Variants in KLK9 observed in about 807,000 individuals in gnomAD.
KLK9 encodes the protein kallikrein-9.
KLK9 carries 26 observed loss-of-function variants against 23.3 expected under a neutral mutation model. The observed-to-expected ratio is 1.12, with a 90% confidence interval of 0.82 to 1.55. KLK9 has a LOEUF of 1.55. Ranked by LOEUF, KLK9 falls within the 40% of genes most tolerant of loss-of-function variation. The probability of loss-of-function intolerance (pLI) is 0.00; values close to 1 mark genes in which losing one functional copy is unlikely to be tolerated. For missense variants in KLK9, 346 were observed against 333.7 expected, an observed-to-expected ratio of 1.04 and a Z score of -0.29; for synonymous variants, 122 against 128.5, an observed-to-expected ratio of 0.95 and a Z score of 0.34.
Position 51,009,445 on chromosome 19 carries a change from A to T in KLK9, c.43+60T>A. ...GCAGGAGGCAGAAGCCTGGGATGGG[A>T]GGGAAGAGCAAGGTGACCTTAGTAC... On this transcript the variant is annotated intron_variant, in intron 1 of 4. Transcript: ENST00000594211. This position sits in a 1 kb window ranked among gnomAD's most constrained non-coding sequence, Gnocchi z 4.8. 2 of 1,566,426 alleles carry T rather than the reference A, an allele frequency of 1.3e-6. No individual in the cohort carries two copies. Among genetic ancestry groups the T allele is most frequent in the Non-Finnish European group, 1.7e-6 (2 of 1,155,442 alleles).
chr19:51,006,125 A>AAAAAAAACAAAC lies in KLK9; in HGVS notation c.466+332_466+333insGTTTGTTTTTTT, dbSNP rs113832971. The stretch of plus-strand genomic sequence containing the variant: ...AGCAACAAAGCGAGACCCTGTCTCA[A>AAAAAAAACAAAC]AAACAAACAAACAAACAAACAAACA... On this transcript the variant is annotated intron_variant, in intron 3 of 4. Coordinates refer to ENST00000594211, the MANE Select transcript of KLK9 (RefSeq NM_012315.2). This position sits in a 1 kb window ranked among gnomAD's most constrained non-coding sequence, Gnocchi z 4.1. Among the ~76,000 whole-genome samples the AAAAAAAACAAAC allele has an allele frequency of 2.0e-5, 3 of 150,274 alleles. No homozygotes were observed. The highest frequency in any genetic ancestry group is 7.4e-5 in the African/African-American group (3 of 40,812).
In KLK9 at chr19:51,006,321, G is replaced by A; in HGVS notation, c.466+137C>T. The A allele has an allele frequency of 1.2e-6, 1 of 837,380 alleles. No homozygotes were observed. Among genetic ancestry groups the A allele is most frequent in the East Asian group, 2.8e-5 (1 of 36,296 alleles). The allele number at this position is 837,380 out of a possible 1,614,324, so 51.9% of individuals were successfully genotyped here. ...TTAAAAATGCTAGCATCTTATATTT[G>A]GTTAAATATATCGATTGGCAGATAG... is the stretch of plus-strand genomic sequence containing the variant. On this transcript the variant is annotated intron_variant, in intron 3 of 4. Coordinates refer to ENST00000594211, the MANE Select transcript of KLK9 (RefSeq NM_012315.2). This position sits in a 1 kb window ranked among gnomAD's most constrained non-coding sequence, Gnocchi z 4.1.
chr19:51,005,749 C>T (rs1009112859), intron 3 of KLK9, among the ~76,000 whole-genome samples: 3 of 151,544 alleles, frequency 2.0e-5, no homozygotes, highest in Non-Finnish European at 2.9e-5. Context: ...CTAACATTAT[C>T]TGAATTAAAT....
chr19:51,004,338 CAAAAAAAAAAAAAAAAAAAAAAA>C (rs71333922), intron 3 of KLK9, among the ~76,000 whole-genome samples: 11 of 32,558 alleles, frequency 3.4e-4, no homozygotes, highest in African/African-American at 6.3e-4. Context: ...GACTCCGTCT[CAAAAAAAAAAAAAAAAAAAAAAA>C]AAAAAAAAAA....
At chr19:51,008,393 T>C (rs1473377628) in intron 2 of KLK9, among the ~76,000 whole-genome samples, 1 of 148,942 alleles carries the variant, frequency 6.7e-6, no homozygotes, top group East Asian at 2.0e-4. Context: ...TCTATAAATC[T>C]ATAACCTTAG....
chr19:51,007,006 C>T (rs1045871110), intron 2 of KLK9, among the ~76,000 whole-genome samples: 18 of 151,930 alleles, frequency 1.2e-4, no homozygotes, highest in Admixed American at 9.9e-4. Context: ...AGCCACCTTC[C>T]TCCCTACTCA....
chr19:51,006,633 AG>A lies in KLK9; in HGVS notation c.290del (p.Pro97LeufsTer18), dbSNP rs1355851020. On this transcript the variant is annotated frameshift_variant, in exon 3 of 5. Coordinates refer to ENST00000594211, the MANE Select transcript of KLK9 (RefSeq NM_012315.2). LOFTEE classifies it high-confidence loss of function. The surrounding 1 kb of genome is among the most constrained non-coding windows in gnomAD (Gnocchi z 4.1). ...TGGCGCTGAGGTCCTTGTTGAAGCCAGGGTGGGGGAAGAAGTCCGTAACCCG... is the reference window on the plus strand; with the variant it reads ...TGGCGCTGAGGTCCTTGTTGAAGCCAGGTGGGGGAAGAAGTCCGTAACCCG... The part of the protein sequence containing the change: ...LFRVTDFFPH[P>X]GFNKDLSAND... 12 of 1,613,150 alleles carry A rather than the reference AG, an allele frequency of 7.4e-6. No homozygotes were observed. In the Admixed American group the frequency reaches 2.0e-4, roughly 27 times the overall value.
chr19:51,003,287 C>A, intron 4 of KLK9, 27 bp from the exon 5 acceptor site: 1 of 1,601,040 alleles, frequency 6.2e-7, no homozygotes, highest in East Asian at 2.2e-5. Flanking sequence ...GGCAGAGGAA[C>A]TGTTAGGCCA....
In KLK9 at chr19:51,006,089, A is replaced by T. The variant is rs1370758776; in HGVS notation, c.466+369T>A. 6.6e-6 allele frequency among the ~76,000 whole-genome samples: 1 copy of T among 151,496 alleles called. No homozygotes were observed. Among genetic ancestry groups the T allele is most frequent in the East Asian group, 1.9e-4 (1 of 5,184 alleles). ...CAATGAGCCGTGATCACACCGCTGC[A>T]CTCCAGCCTGAGCAACAAAGCGAGA... On this transcript the variant is annotated intron_variant, in intron 3 of 4. Coordinates refer to ENST00000594211, the MANE Select transcript of KLK9 (RefSeq NM_012315.2). The surrounding 1 kb of genome is among the most constrained non-coding windows in gnomAD (Gnocchi z 4.1).
In KLK9 at chr19:51,003,745, G is replaced by C; in HGVS notation, c.562C>G (p.Leu188Val). 6.2e-7 allele frequency: 1 copy of C among 1,612,888 alleles called. No homozygotes were observed. Residue 188 changes from leucine to valine, a missense_variant, in exon 4 of 5, where the codon CTC becomes GTC. Leu to Val is a conservative substitution (Grantham distance 32, BLOSUM62 1). Coordinates refer to ENST00000594211, the MANE Select transcript of KLK9 (RefSeq NM_012315.2). Reference sequence around the variant, plus strand: ...CCCCCCTCCCACAGGCCCGCACAGAGCATGCTGTCCGAGATGTGTCCAGGG... The same window carrying C: ...CCCCCCTCCCACAGGCCCGCACAGACCATGCTGTCCGAGATGTGTCCAGGG... Reference protein sequence around the residue: ...AYPGHISDSMLCAGLWEGGRG... With the variant: ...AYPGHISDSMVCAGLWEGGRG...
At chr19:51,004,343 A>AAC (rs2091247629) in intron 3 of KLK9, among the ~76,000 whole-genome samples, 2 of 63,720 alleles carry the variant, frequency 3.1e-5, no homozygotes, top group African/African-American at 1.5e-4. Context: ...CGTCTCAAAA[A>AAC]AAAAAAAAAA....
At chr19:51,008,061 T>A (rs2091262207) in intron 2 of KLK9, among the ~76,000 whole-genome samples, 1 of 151,024 alleles carries the variant, frequency 6.6e-6, no homozygotes, top group Non-Finnish European at 1.5e-5. Flanking sequence ...CTGGGCGCGG[T>A]GGCTCACGCC....
rs1288549498 is a variant in KLK9 at position 51,003,714 on chromosome 19, C to T, written c.593G>A (p.Gly198Asp). The change falls in exon 4 of 5, where the codon GGT (glycine) becomes GAT (aspartate). Residue 198 changes from glycine to aspartate, a missense_variant. Physicochemically the swap from Gly to Asp is moderately conservative, Grantham distance 94. Coordinates refer to ENST00000594211, the MANE Select transcript of KLK9 (RefSeq NM_012315.2). ...AGAGTAAGGTCTCACCTGGCAGGAA[C>T]CTCGGCCCCCCTCCCACAGGCCCGC... ...LCAGLWEGGR[G>D]SCQGDSGGPL... 6.2e-7 allele frequency: 1 copy of T among 1,611,606 alleles called. No individual in the cohort carries two copies. Among genetic ancestry groups the T allele is most frequent in the Non-Finnish European group, 8.5e-7 (1 of 1,178,738 alleles).
rs1029850652 is a variant in KLK9 at position 51,002,882 on chromosome 19, C to T, written c.*229G>A. 4.3e-6 allele frequency: 2 copies of T among 470,012 alleles called. No individual in the cohort carries two copies. Among genetic ancestry groups the T allele is most frequent in the South Asian group, 4.5e-5 (1 of 22,140 alleles). The allele number at this position is 470,012 out of a possible 1,614,324, so 29.1% of individuals were successfully genotyped here. ...ATGGCTGTCGGTGACGTCATAGAGA[C>T]GGGCTCTGAAGGGCGTGTCCCTGCT... On this transcript the variant is annotated 3_prime_UTR_variant, in exon 5 of 5. Coordinates refer to ENST00000594211, the MANE Select transcript of KLK9 (RefSeq NM_012315.2).
At position 51,008,059 on chromosome 19, in the gene KLK9, G is replaced by C. The variant is rs534013064; in HGVS notation, c.200+1124C>G. The stretch of plus-strand genomic sequence containing the variant: ...AAAGACTAGAATTTTGGCTGGGCGC[G>C]GTGGCTCACGCCTGTAATCCCAGCA... On this transcript the variant is annotated intron_variant, in intron 2 of 4. Transcript: ENST00000594211. 1.6e-4 allele frequency among the ~76,000 whole-genome samples: 25 copies of C among 151,818 alleles called. No individual in the cohort carries two copies. The South Asian group carries it at 5.2e-3, about 32-fold the overall frequency.
In KLK9 at chr19:51,006,446, G is replaced by T; in HGVS notation, c.466+12C>A. The T allele has an allele frequency of 6.3e-7, 1 of 1,597,610 alleles. No homozygotes were observed. The highest frequency in any genetic ancestry group is 1.1e-5 in the South Asian group (1 of 89,394). ...GAGCAAGTTTCAGAGAGAGTTCTGG[G>T]CCAGGTCATACCCTTGGGGCTGGAC... is the stretch of plus-strand genomic sequence containing the variant. On this transcript the variant is annotated intron_variant, in intron 3 of 4. Transcript: ENST00000594211. This position sits in a 1 kb window ranked among gnomAD's most constrained non-coding sequence, Gnocchi z 4.1.
At chr19:51,007,595 G>A (rs1440629363) in intron 2 of KLK9, among the ~76,000 whole-genome samples, 1 of 151,662 alleles carries the variant, frequency 6.6e-6, no homozygotes, top group African/African-American at 2.4e-5. Context: ...CATTTCTCCT[G>A]CTTCACTTTC....
Position 51,003,771 on chromosome 19 carries a change from T to A in KLK9, c.536A>T (p.Tyr179Phe). 1 of 1,613,138 alleles carries A rather than the reference T, an allele frequency of 6.2e-7. No individual in the cohort carries two copies. The change falls in exon 4 of 5, where the codon TAC (tyrosine) becomes TTC (phenylalanine). Residue 179 changes from tyrosine to phenylalanine, a missense_variant. Coordinates refer to ENST00000594211, the MANE Select transcript of KLK9 (RefSeq NM_012315.2). ...CATGCTGTCCGAGATGTGTCCAGGG[T>A]ATGCCCAGTGACAGAGTTTGTTCTC... ...ILENKLCHWA[Y>F]PGHISDSMLC...
chr19:51,004,322 G>C (rs1192043937), intron 3 of KLK9, among the ~76,000 whole-genome samples: 2 of 80,180 alleles, frequency 2.5e-5, no homozygotes, highest in Non-Finnish European at 4.4e-5. Context: ...CTGGGAGACA[G>C]AGCAAGACTC....
Sources: gnomAD v4.1 joint callset for allele counts (sites outside exome capture counted in the v4.1 genomes callset) on GRCh38, gnomAD v4.1.1 for gene constraint, Gnocchi (gnomAD v3.1) non-coding constraint, MANE v1.5 for transcripts, NCBI Gene and HGNC (gene_info 2026-07-23, HGNC 2026-07-21) for gene names.